ST18: variants seen among roughly 807,000 people sequenced by gnomAD.
The protein encoded by ST18 is ST18 C2H2C-type zinc finger transcription factor.
In ST18, 50 loss-of-function variants were observed where a neutral mutation model predicts 110.0. The ratio of observed to expected loss-of-function variants is 0.45; its 90% CI spans 0.36 to 0.58. ST18 has a LOEUF of 0.58. Among genes scored for constraint, ST18 ranks in the 20% least tolerant of loss-of-function variants. ST18 has a pLI of 0.00. For synonymous variants in ST18, 461 were observed against 452.4 expected (o/e 1.02, Z -0.24); for missense variants, 1,306 against 1,280.1 (o/e 1.02, Z -0.31).
chr8:52,394,454 T>C (rs897153079), intron 2 of ST18, among the ~76,000 whole-genome samples: 3 of 152,202 alleles, frequency 2.0e-5, no homozygotes, highest in African/African-American at 7.2e-5. Context: ...TTAGTCCTCC[T>C]TGTCCCCAAA....
At chr8:52,118,220 C>G in intron 24 of ST18, 118 bp downstream of exon 24, 2 of 618,744 alleles carry the variant, frequency 3.2e-6, no homozygotes, top group Non-Finnish European at 5.5e-6. Flanking sequence ...TCTAGAAACA[C>G]TCAGCATATT....
chr8:52,161,508 T>C lies in ST18; in HGVS notation c.1461A>G (p.Arg487=), dbSNP rs779185284. ...TCTCTTGTTCTTTTGACACTGTGGC[T>C]CTGGGAGAGGTGATGGCTTGTGACG... ...NFPSQAITSP[R]ATVSKEQEKF... is the part of the protein sequence containing the mutation. Residue 487 remains arginine (R), a synonymous_variant, in exon 14 of 26, where the codon AGA becomes AGG. Transcript: ENST00000689386. The C allele has an allele frequency of 1.2e-6, 2 of 1,614,224 alleles. No individual in the cohort carries two copies. The highest frequency in any genetic ancestry group is 1.7e-6 in the Non-Finnish European group (2 of 1,180,024).
chr8:52,152,496 C>T (rs2059065531), intron 15 of ST18, among the ~76,000 whole-genome samples: 1 of 152,200 alleles, frequency 6.6e-6, no homozygotes, highest in Admixed American at 6.5e-5. Flanking sequence ...AGGATTACTA[C>T]TATTCATGTT....
In ST18 at chr8:52,131,269, G is replaced by C. The variant is rs376392713; in HGVS notation, c.2666+689C>G. Among the ~76,000 whole-genome samples, 493 of 152,318 alleles carry C rather than the reference G, an allele frequency of 3.2e-3. 33 individuals carry two copies. The South Asian group carries it at 0.097, about 30-fold the overall frequency. On this transcript the variant is annotated intron_variant, in intron 22 of 25. Transcript: ENST00000689386. ...GTACAGTGGCCCAAAAGACAAGACA[G>C]GACCCCCTGTAGGGAGAAATATGTA... is the stretch of plus-strand genomic sequence containing the variant.
intron 3 of ST18, among the ~76,000 whole-genome samples, chr8:52,224,998 A>C (rs1351166218): frequency 6.6e-6 from 1 of 152,188 alleles, no homozygotes. Context: ...AGAAAAATGC[A>C]ATTTTTGCTT....
intron 2 of ST18, among the ~76,000 whole-genome samples, chr8:52,311,293 C>T (rs2095903064): frequency 6.6e-6 from 1 of 152,192 alleles, no homozygotes. Flanking sequence ...TATGTTATCT[C>T]CCCTGAACTT....
rs2136001532 is a variant in ST18 at position 52,212,127 on chromosome 8, A to C, written c.56-18T>G. 2.5e-6 allele frequency: 4 copies of C among 1,595,986 alleles called. No homozygotes were observed. The South Asian group carries it at 3.4e-5, about 14-fold the overall frequency. ...CATTGGCACTGTTGACAAAAGAAGA[A>C]AAAAAAGAAGACTTAATCAGTTGAT... On this transcript the variant is annotated intron_variant, in intron 7 of 25. Coordinates refer to ENST00000689386, the MANE Select transcript of ST18 (RefSeq NM_001352837.2).
chr8:52,401,321 C>T (rs1001879675), intron 2 of ST18, among the ~76,000 whole-genome samples: 1 of 152,064 alleles, frequency 6.6e-6, no homozygotes, highest in African/African-American at 2.4e-5. Context: ...TTGGGTTGAA[C>T]CTGTTTGGAG....
intron 17 of ST18, among the ~76,000 whole-genome samples, chr8:52,140,256 G>T (rs562305131): frequency 6.6e-6 from 1 of 152,346 alleles, no homozygotes; most frequent in African/African-American, 2.4e-5. Context: ...TAGACTGGGC[G>T]TGGTGGCTCA....
At chr8:52,335,451 A>G (rs1056398711) in intron 2 of ST18, among the ~76,000 whole-genome samples, 3 of 152,152 alleles carry the variant, frequency 2.0e-5, no homozygotes, top group African/African-American at 4.8e-5. Context: ...CAAATTTCAG[A>G]TACTTTAGTA....
At chr8:52,357,723 A>ATATATATATATATATT (rs1823733507) in intron 2 of ST18, among the ~76,000 whole-genome samples, 1 of 78,078 alleles carries the variant, frequency 1.3e-5, no homozygotes, top group African/African-American at 9.5e-5. Flanking sequence ...ATATATATAT[A>ATATATATATATATATT]TATATATAAA....
chr8:52,283,762 G>A (rs993113231), intron 2 of ST18, among the ~76,000 whole-genome samples: 9 of 152,164 alleles, frequency 5.9e-5, no homozygotes, highest in Non-Finnish European at 1.0e-4. Context: ...TGAACTGTAC[G>A]TCACATCCCT....
chr8:52,338,484 G>C (rs1036312194), intron 2 of ST18, among the ~76,000 whole-genome samples: 2 of 151,694 alleles, frequency 1.3e-5, no homozygotes, highest in Non-Finnish European at 2.9e-5. Flanking sequence ...AGGTAGATTG[G>C]TACATCTCAG....
At chr8:52,324,110 G>C (rs1047525078) in intron 2 of ST18, among the ~76,000 whole-genome samples, 6 of 152,198 alleles carry the variant, frequency 3.9e-5, no homozygotes, top group Middle Eastern at 3.2e-3. Flanking sequence ...GGTCCCTGGA[G>C]AGTTGGGAGT....
chr8:52,175,609 G>T (rs1275479486), intron 9 of ST18, among the ~76,000 whole-genome samples: 3 of 152,176 alleles, frequency 2.0e-5, no homozygotes, highest in Non-Finnish European at 4.4e-5. Flanking sequence ...TGACTGGATG[G>T]ATAGTTCAAG....
chr8:52,335,496 C>A (rs1811614805), intron 2 of ST18, among the ~76,000 whole-genome samples: 2 of 152,166 alleles, frequency 1.3e-5, no homozygotes, highest in African/African-American at 4.8e-5. Flanking sequence ...AATAAGATAT[C>A]TTGGGGATAA....
In ST18 at chr8:52,149,840, G is replaced by A. The variant is rs769241181; in HGVS notation, c.1944C>T (p.Ser648=). 2 of 1,614,190 alleles carry A rather than the reference G, an allele frequency of 1.2e-6. No homozygotes were observed. Among genetic ancestry groups the A allele is most frequent in the Non-Finnish European group, 1.7e-6 (2 of 1,180,030 alleles). ...PTPSSSPFKT[S]SILVNAAFYQ... ...AGAATGCTGCATTGACCAGAATGCT[G>A]CTTGTTTTGAATGGGGAAGAGGAAG... is the stretch of plus-strand genomic sequence containing the variant. The change falls in exon 16 of 26, where the codon AGC becomes AGT. Residue 648 remains serine (S), a synonymous_variant. Coordinates refer to ENST00000689386, the MANE Select transcript of ST18 (RefSeq NM_001352837.2).
At chr8:52,376,859 T>C (rs7461316) in intron 2 of ST18, among the ~76,000 whole-genome samples, 114,828 of 152,200 alleles carry the variant, frequency 0.75, 48,242 homozygotes, top group Non-Finnish European at 0.93. Context: ...TTTCATAATG[T>C]CTTCATAAAT....
At chr8:52,116,195 C>A in intron 25 of ST18, 80 bp downstream of exon 25, 1 of 1,525,834 alleles carries the variant, frequency 6.6e-7, no homozygotes, top group South Asian at 1.3e-5. Context: ...AAAGCTCAGT[C>A]GTGGCAACCC....
Sources: gnomAD v4.1 joint callset for allele counts (sites outside exome capture counted in the v4.1 genomes callset) on GRCh38, gnomAD v4.1.1 for gene constraint, MANE v1.5 for transcripts, NCBI Gene and HGNC (gene_info 2026-07-23, HGNC 2026-07-21) for gene names.